Variants in PTPRD observed in about 807,000 individuals in gnomAD.
The protein encoded by PTPRD is protein tyrosine phosphatase receptor type D.
PTPRD carries 34 observed loss-of-function variants against 214.5 expected under a neutral mutation model. That is an observed-to-expected ratio of 0.16 (90% CI 0.12 to 0.21). The LOEUF (loss-of-function observed/expected upper bound fraction) is 0.21. Ranked by LOEUF, PTPRD falls within the 10% of genes least tolerant of loss-of-function variation. The pLI is 1.00. For missense variants in PTPRD, 2,545 were observed against 2,398.7 expected (o/e 1.06, Z -1.27); for synonymous variants, 1,128 against 845.7 (o/e 1.33, Z -5.79).
chr9:9,774,336 A>G (rs1005617314), intron 5 of PTPRD, among the ~76,000 whole-genome samples: 4 of 152,196 alleles, frequency 2.6e-5, no homozygotes, highest in Admixed American at 2.0e-4. Flanking sequence ...ACATACATTC[A>G]CATTTTAAGA....
intron 9 of PTPRD, among the ~76,000 whole-genome samples, chr9:9,335,786 G>C (rs375621434): frequency 1.1e-3 from 161 of 152,082 alleles, no homozygotes; most frequent in African/African-American, 3.8e-3. Flanking sequence ...TGAGGACCCA[G>C]AAACTAGAAA....
At chr9:9,100,990 TA>T (rs1168156757) in intron 10 of PTPRD, among the ~76,000 whole-genome samples, 1 of 152,156 alleles carries the variant, frequency 6.6e-6, no homozygotes, top group African/African-American at 2.4e-5. Context: ...TTTATTTTGT[TA>T]ATTTTTATCA....
chr9:8,749,958 C>A (rs550557745), intron 11 of PTPRD, among the ~76,000 whole-genome samples: 40 of 151,976 alleles, frequency 2.6e-4, no homozygotes, highest in African/African-American at 9.6e-4. Context: ...AAAAAATGAG[C>A]CAGCTGTGGT....
chr9:10,077,180 C>G (rs7023147), intron 3 of PTPRD, among the ~76,000 whole-genome samples: 1 of 151,952 alleles, frequency 6.6e-6, no homozygotes. Context: ...AATTATCAAC[C>G]TAGCAATACC....
chr9:8,622,722 C>G (rs565632788), intron 14 of PTPRD, among the ~76,000 whole-genome samples: 10 of 151,732 alleles, frequency 6.6e-5, no homozygotes, highest in Non-Finnish European at 1.3e-4. Context: ...GTATGCCTAT[C>G]CGAGATGTGG....
At chr9:9,849,017 A>G (rs191629810) in intron 5 of PTPRD, among the ~76,000 whole-genome samples, 2 of 151,814 alleles carry the variant, frequency 1.3e-5, no homozygotes. Flanking sequence ...TTACCCGAAA[A>G]ACAGGGTGTG....
chr9:9,351,818 A>G (rs1489325670), intron 9 of PTPRD, among the ~76,000 whole-genome samples: 1 of 151,868 alleles, frequency 6.6e-6, no homozygotes, highest in African/African-American at 2.4e-5. Flanking sequence ...GTCATTTTGG[A>G]CTCATTGTTT....
At chr9:9,948,499 T>C (rs2093067887) in intron 4 of PTPRD, among the ~76,000 whole-genome samples, 2 of 152,064 alleles carry the variant, frequency 1.3e-5, no homozygotes, top group South Asian at 4.1e-4. Flanking sequence ...ATGTGAGACA[T>C]AAAGGATAAT....
intron 9 of PTPRD, among the ~76,000 whole-genome samples, chr9:9,346,054 G>A (rs1004277497): frequency 2.6e-5 from 4 of 152,054 alleles, no homozygotes; most frequent in African/African-American, 9.7e-5. Flanking sequence ...AATAGGGGCC[G>A]TGTTCTGGAA....
chr9:9,523,072 C>T (rs1181740981), intron 8 of PTPRD, among the ~76,000 whole-genome samples: 2 of 152,104 alleles, frequency 1.3e-5, no homozygotes, highest in Non-Finnish European at 2.9e-5. Flanking sequence ...TTGTTAAAAA[C>T]ATACAAATGC....
chr9:10,059,466 G>C (rs908179363), intron 3 of PTPRD, among the ~76,000 whole-genome samples: 1 of 151,906 alleles, frequency 6.6e-6, no homozygotes, highest in Non-Finnish European at 1.5e-5. Flanking sequence ...TATGCAAAGG[G>C]GTAAATCACT....
At chr9:8,399,958 G>A (rs1269812446) in intron 36 of PTPRD, among the ~76,000 whole-genome samples, 1 of 152,062 alleles carries the variant, frequency 6.6e-6, no homozygotes. Flanking sequence ...CTAGCTTTTG[G>A]GGTTGGGCCT....
rs773604452 is a variant in PTPRD at position 10,200,356 on chromosome 9, C to CT, written c.-545+140606dup. The stretch of plus-strand genomic sequence containing the variant: ...GGGCAAATTTGGTAATATGTGCAGA[C>CT]TTTTTTTATTGTCACAACTATGGAG... On this transcript the variant is annotated intron_variant, in intron 3 of 45. Transcript: ENST00000381196. Among the ~76,000 whole-genome samples the CT allele has an allele frequency of 1.8e-4, 27 of 152,104 alleles. No homozygotes were observed. In the East Asian group the frequency reaches 2.3e-3, roughly 13 times the overall value.
chr9:10,143,860 A>G (rs2154269676), intron 3 of PTPRD, among the ~76,000 whole-genome samples: 1 of 152,192 alleles, frequency 6.6e-6, no homozygotes, highest in East Asian at 1.9e-4. Context: ...CGTTGAGTAC[A>G]CATGAAAGTA....
At chr9:9,778,167 T>C (rs753353439) in intron 5 of PTPRD, among the ~76,000 whole-genome samples, 1 of 152,086 alleles carries the variant, frequency 6.6e-6, no homozygotes, top group East Asian at 1.9e-4. Flanking sequence ...GAGGTGACAT[T>C]GAAGGCAAGG....
At chr9:9,070,464 C>A (rs759583594) in intron 10 of PTPRD, among the ~76,000 whole-genome samples, 27 of 152,108 alleles carry the variant, frequency 1.8e-4, no homozygotes, top group Non-Finnish European at 3.7e-4. Context: ...ACCCATTCAA[C>A]TTTATCCAAA....
intron 10 of PTPRD, among the ~76,000 whole-genome samples, chr9:9,161,761 C>T (rs2099889475): frequency 6.6e-6 from 1 of 152,012 alleles, no homozygotes; most frequent in Non-Finnish European, 1.5e-5. Context: ...TAAATACATA[C>T]ATACTTGTGT....
intron 10 of PTPRD, among the ~76,000 whole-genome samples, chr9:9,170,121 A>G (rs2099911631): frequency 6.6e-6 from 1 of 152,220 alleles, no homozygotes; most frequent in Non-Finnish European, 1.5e-5. Flanking sequence ...TAGCCAAACA[A>G]TAAATATCGC....
At chr9:8,895,894 A>G (rs1417536384) in intron 11 of PTPRD, among the ~76,000 whole-genome samples, 1 of 152,262 alleles carries the variant, frequency 6.6e-6, no homozygotes, top group Non-Finnish European at 1.5e-5. Context: ...TGAGCCGAAT[A>G]GCACTTGTTA....
Sources: allele counts gnomAD v4.1 joint callset (sites outside exome capture counted in the v4.1 genomes callset), GRCh38; gene constraint gnomAD v4.1.1; transcripts MANE v1.5; gene names NCBI Gene and HGNC (gene_info 2026-07-23, HGNC 2026-07-21).